Variants in NFIB observed in about 807,000 individuals in gnomAD.
The protein encoded by NFIB is nuclear factor I B, also known as nuclear factor 1 B-type.
Under a neutral mutation model 61.5 loss-of-function variants are expected in NFIB, and 11 were observed. That is an observed-to-expected ratio of 0.18 (90% confidence interval 0.11 to 0.30). NFIB has a LOEUF of 0.30. NFIB is among the 10% of genes least tolerant of loss of function. The pLI, the probability that NFIB is intolerant of heterozygous loss-of-function variation, is 1.00. For synonymous variants in NFIB, 260 were observed against 216.5 expected, an observed-to-expected ratio of 1.20 and a Z score of -1.76; for missense variants, 471 against 608.9, an observed-to-expected ratio of 0.77 and a Z score of 2.38.
chr9:14,421,948 T>C, the NFIB span, among the ~76,000 whole-genome samples: 2 of 152,216 alleles, frequency 1.3e-5, no homozygotes, highest in East Asian at 3.8e-4. Context: ...GGGCTATTTT[T>C]TTCACTTTTC....
At chr9:14,471,773 C>G in the NFIB span, among the ~76,000 whole-genome samples, 1 of 152,156 alleles carries the variant, frequency 6.6e-6, no homozygotes, top group Non-Finnish European at 1.5e-5. Context: ...AGCTAATTTG[C>G]GACAATCAGT....
chr9:14,194,478 AC>A (rs1563887214), intron 2 of NFIB, among the ~76,000 whole-genome samples: 1 of 152,166 alleles, frequency 6.6e-6, no homozygotes, highest in African/African-American at 2.4e-5. Flanking sequence ...AGATAGGAAA[AC>A]GAATCCAACT....
intron 2 of NFIB, among the ~76,000 whole-genome samples, chr9:14,275,189 G>A (rs937736576): frequency 1.3e-5 from 2 of 152,134 alleles, no homozygotes; most frequent in Non-Finnish European, 2.9e-5. Flanking sequence ...ACGTGGACAA[G>A]GCCAGGATCA....
intron 2 of NFIB, 110 bp from the exon 3 acceptor site, chr9:14,179,890 G>T: frequency 2.0e-6 from 2 of 984,504 alleles, no homozygotes; most frequent in Non-Finnish European, 3.0e-6. Context: ...GAAGTTGAGT[G>T]CTTAAATAAA....
At chr9:14,107,834 C>T (rs2036794737) in intron 10 of NFIB, among the ~76,000 whole-genome samples, 2 of 152,124 alleles carry the variant, frequency 1.3e-5, no homozygotes, top group Non-Finnish European at 2.9e-5. Flanking sequence ...CCTGATTCAA[C>T]TGAGATCTAA....
intron 2 of NFIB, among the ~76,000 whole-genome samples, chr9:14,185,362 C>A (rs1367125157): frequency 6.6e-6 from 1 of 152,164 alleles, no homozygotes; most frequent in Non-Finnish European, 1.5e-5. Context: ...CTGCTAAAAC[C>A]TTTACATATA....
At chr9:14,234,254 T>C (rs549597047) in intron 2 of NFIB, among the ~76,000 whole-genome samples, 15 of 152,158 alleles carry the variant, frequency 9.9e-5, no homozygotes, top group Admixed American at 2.0e-4. Flanking sequence ...CAGAAGTACA[T>C]GCAATAAAAG....
chr9:14,199,473 G>C (rs1323727876), intron 2 of NFIB, among the ~76,000 whole-genome samples: 1 of 152,194 alleles, frequency 6.6e-6, no homozygotes, highest in African/African-American at 2.4e-5. Flanking sequence ...ACTTAAACAG[G>C]ATCCTCCTTT....
the NFIB span, among the ~76,000 whole-genome samples, chr9:14,423,118 C>T: frequency 2.6e-5 from 4 of 152,178 alleles, no homozygotes. Flanking sequence ...ATTCAGAGTG[C>T]TACCATTAGT....
chr9:14,268,408 T>C (rs1208262202), intron 2 of NFIB, among the ~76,000 whole-genome samples: 1 of 152,050 alleles, frequency 6.6e-6, no homozygotes, highest in Non-Finnish European at 1.5e-5. Flanking sequence ...TCTCCTCCAC[T>C]TCGCCTACAC....
At chr9:14,280,070 T>C (rs61004982) in intron 2 of NFIB, among the ~76,000 whole-genome samples, 2,782 of 152,272 alleles carry the variant, frequency 0.018, 93 homozygotes, top group African/African-American at 0.063. Context: ...CAGGATTTTA[T>C]TTCCCAGGAA....
At chr9:14,112,140 TA>T (rs1280040691) in intron 10 of NFIB, among the ~76,000 whole-genome samples, 38 of 152,394 alleles carry the variant, frequency 2.5e-4, no homozygotes, top group African/African-American at 9.1e-4. Context: ...TTCCCCTATG[TA>T]ATATTTTGCA....
chr9:14,194,442 A>G (rs555644132), intron 2 of NFIB, among the ~76,000 whole-genome samples: 21 of 152,306 alleles, frequency 1.4e-4, no homozygotes, highest in African/African-American at 4.8e-4. Flanking sequence ...GGCAGGTAGA[A>G]TGGGTGGGAC....
At chr9:14,489,716 C>A in the NFIB span, among the ~76,000 whole-genome samples, 1 of 151,968 alleles carries the variant, frequency 6.6e-6, no homozygotes, top group Admixed American at 6.6e-5. Flanking sequence ...TAATAGTATG[C>A]CACACCCAAT....
At chr9:14,278,671 G>C (rs545854700) in intron 2 of NFIB, among the ~76,000 whole-genome samples, 1 of 152,278 alleles carries the variant, frequency 6.6e-6, no homozygotes, top group South Asian at 2.1e-4. Flanking sequence ...CATTACTAAG[G>C]TATAATGTTA....
chr9:14,158,503 T>A (rs1441293515), intron 3 of NFIB, among the ~76,000 whole-genome samples: 3 of 152,246 alleles, frequency 2.0e-5, no homozygotes, highest in African/African-American at 7.2e-5. Context: ...GATTATCAGA[T>A]CCTTTATTTA....
At position 14,224,074 on chromosome 9, in the gene NFIB, C is replaced by T. The variant is rs559310318; in HGVS notation, c.563-44294G>A. On this transcript the variant is annotated intron_variant, in intron 2 of 10. Transcript: ENST00000380953. ...AAAATAAAACAAACAGTAAAATGTC[C>T]CTCGTCCAATTACGCCTTCCAGTCC... 5.3e-5 allele frequency among the ~76,000 whole-genome samples: 8 copies of T among 152,216 alleles called. No individual in the cohort carries two copies. In the South Asian group the frequency reaches 1.5e-3, roughly 28 times the overall value.
At chr9:14,530,028 T>C in the NFIB span, among the ~76,000 whole-genome samples, 1 of 152,210 alleles carries the variant, frequency 6.6e-6, no homozygotes, top group East Asian at 1.9e-4. Flanking sequence ...ATTGGCTTAC[T>C]ATACCCATCT....
chr9:14,129,611 T>A (rs1444231529), intron 6 of NFIB, among the ~76,000 whole-genome samples: 1 of 152,126 alleles, frequency 6.6e-6, no homozygotes, highest in Non-Finnish European at 1.5e-5. Context: ...CTATGTGTAA[T>A]GTGCTCATAT....
Sources: gnomAD v4.1 joint callset for allele counts (sites outside exome capture counted in the v4.1 genomes callset) on GRCh38, gnomAD v4.1.1 for gene constraint, MANE v1.5 for transcripts, NCBI Gene and HGNC (gene_info 2026-07-23, HGNC 2026-07-21) for gene names.